Variants in CPS1 observed in about 807,000 individuals in gnomAD.
CPS1 encodes the protein carbamoyl-phosphate synthase [ammonia], mitochondrial.
A neutral mutation model predicts 174.6 loss-of-function variants in CPS1; 109 were observed. The observed-to-expected ratio is 0.62, with a 90% CI of 0.53 to 0.73. The LOEUF is 0.73. Ranked by LOEUF, CPS1 falls within the 30% of genes least tolerant of loss-of-function variation. The pLI is 0.00. For missense variants in CPS1, 1,689 were observed against 1,821.9 expected, an observed-to-expected ratio of 0.93 and a Z score of 1.33; for synonymous variants, 637 against 632.0, an observed-to-expected ratio of 1.01 and a Z score of -0.12.
intron 1 of CPS1, among the ~76,000 whole-genome samples, chr2:210,485,403 T>C (rs1193643443): frequency 1.3e-5 from 2 of 152,108 alleles, no homozygotes; most frequent in African/African-American, 4.8e-5. Context: ...GATTCCCTCA[T>C]ACCATTTATA....
chr2:210,629,148 T>C (rs1349191351), intron 21 of CPS1, among the ~76,000 whole-genome samples: 1 of 152,222 alleles, frequency 6.6e-6, no homozygotes, highest in Non-Finnish European at 1.5e-5. Context: ...AGAGTTTTGC[T>C]TACTGAATAC....
chr2:210,596,659 A>G (rs993322112), intron 13 of CPS1, among the ~76,000 whole-genome samples: 3 of 151,866 alleles, frequency 2.0e-5, no homozygotes, highest in African/African-American at 7.2e-5. Flanking sequence ...TCTTTGTATT[A>G]TGCTTTAATT....
chr2:210,601,743 A>G (rs985351466), intron 15 of CPS1, among the ~76,000 whole-genome samples: 7 of 151,974 alleles, frequency 4.6e-5, no homozygotes, highest in African/African-American at 7.2e-5. Flanking sequence ...ACTGAACTTG[A>G]AAATGAAAAA....
At chr2:210,477,733 C>T in exon 1 of CPS1, 6 of 1,612,958 alleles carry the variant, frequency 3.7e-6, no homozygotes, top group South Asian at 1.1e-5. Flanking sequence ...TTCTTAACCT[C>T]ATCAAATTCA....
At chr2:210,649,414 CTGAA>C (rs753972988) in intron 27 of CPS1, among the ~76,000 whole-genome samples, 30 of 152,264 alleles carry the variant, frequency 2.0e-4, no homozygotes, top group Non-Finnish European at 4.0e-4. Context: ...TTCACATACT[CTGAA>C]TGATAAGCAT....
chr2:210,511,643 C>G (rs1406555393), intron 1 of CPS1, among the ~76,000 whole-genome samples: 1 of 152,036 alleles, frequency 6.6e-6, no homozygotes, highest in Non-Finnish European at 1.5e-5. Context: ...GCTTAAGACT[C>G]AGTGATAGGC....
In CPS1 at chr2:210,599,533, C is replaced by T; in HGVS notation, c.1521C>T (p.Gly507=). 2 of 1,612,402 alleles carry T rather than the reference C, an allele frequency of 1.2e-6. No homozygotes were observed. Among genetic ancestry groups the T allele is most frequent in the Non-Finnish European group, 1.7e-6 (2 of 1,178,960 alleles). ...AACAGCCAGATGGGTTAATTCTGGG[C>T]ATGGGTGGCCAGACAGCTCTGAACT... The part of the protein sequence containing the change: ...KAEQPDGLIL[G]MGGQTALNCG... The change falls in exon 14 of 38, where the codon GGC becomes GGT. Residue 507 remains glycine, a synonymous_variant. Transcript: ENST00000233072.
Position 210,600,718 on chromosome 2 carries a change from G to T in CPS1, c.1707+6G>T, listed in dbSNP as rs765818087. On this transcript the variant is annotated splice_donor_region_variant and intron_variant, in intron 15 of 37. Transcript: ENST00000233072. ...CAAGTTTTGCAGTGGAATCGGTAAG[G>T]ATTCTTTGCTTTGGAAAAACAAGGG... is the stretch of plus-strand genomic sequence containing the variant. 3 of 1,611,636 alleles carry T rather than the reference G, an allele frequency of 1.9e-6. No individual in the cohort carries two copies. The highest frequency in any genetic ancestry group is 4.5e-5 in the East Asian group (2 of 44,750).
intron 1 of CPS1, among the ~76,000 whole-genome samples, chr2:210,479,507 T>G (rs186058538): frequency 6.6e-6 from 1 of 152,240 alleles, no homozygotes; most frequent in Admixed American, 6.5e-5. Flanking sequence ...TTTTGTATTT[T>G]CAGTAGAGAC....
At chr2:210,539,232 A>G (rs1332047336) in intron 1 of CPS1, among the ~76,000 whole-genome samples, 1 of 152,184 alleles carries the variant, frequency 6.6e-6, no homozygotes, top group East Asian at 1.9e-4. Flanking sequence ...TTCAGAACAG[A>G]GCCTGTCATA....
chr2:210,611,763 A>G (rs1049727848), intron 19 of CPS1, among the ~76,000 whole-genome samples: 4 of 151,874 alleles, frequency 2.6e-5, no homozygotes, highest in Non-Finnish European at 5.9e-5. Flanking sequence ...GAACATGCGC[A>G]TAAAGCAAGA....
intron 1 of CPS1, among the ~76,000 whole-genome samples, chr2:210,504,919 C>CA (rs1695237133): frequency 6.6e-6 from 1 of 151,226 alleles, no homozygotes; most frequent in Non-Finnish European, 1.5e-5. Flanking sequence ...GGACGACCTA[C>CA]TTTTTTTTTC....
intron 17 of CPS1, among the ~76,000 whole-genome samples, chr2:210,606,245 G>A (rs1236646465): frequency 2.0e-5 from 3 of 151,838 alleles, no homozygotes; most frequent in Non-Finnish European, 2.9e-5. Context: ...ATGGTTGTCT[G>A]GCAATGTTGG....
chr2:210,500,071 A>G (rs1200714942), intron 1 of CPS1, among the ~76,000 whole-genome samples: 2 of 152,138 alleles, frequency 1.3e-5, no homozygotes, highest in African/African-American at 4.8e-5. Context: ...ATGAGTGCCA[A>G]GCAAAGGGGG....
At chr2:210,599,084 C>A (rs188666711) in intron 13 of CPS1, among the ~76,000 whole-genome samples, 86 of 151,908 alleles carry the variant, frequency 5.7e-4, no homozygotes, top group African/African-American at 2.0e-3. Flanking sequence ...GCTCTCTAGA[C>A]CAATTATATA....
At chr2:210,519,225 C>G (rs1010955098) in intron 1 of CPS1, among the ~76,000 whole-genome samples, 9 of 152,008 alleles carry the variant, frequency 5.9e-5, no homozygotes, top group Non-Finnish European at 1.0e-4. Context: ...TTCTGGAGAA[C>G]TGATTGCATT....
intron 6 of CPS1, among the ~76,000 whole-genome samples, chr2:210,584,367 C>G (rs1559089006): frequency 6.6e-6 from 1 of 152,076 alleles, no homozygotes; most frequent in East Asian, 1.9e-4. Context: ...CAGAGAAACT[C>G]TACTTTATCC....
intron 34 of CPS1, chr2:210,672,260 A>G (rs1038351515): frequency 2.0e-5 from 3 of 152,198 alleles, no homozygotes; most frequent in Admixed American, 6.5e-5. Context: ...ATTGTCAAAC[A>G]TATTATCAGG....
In CPS1 at chr2:210,591,958, C is replaced by G. The variant is rs766058795; in HGVS notation, c.1075C>G (p.Gln359Glu). The G allele has an allele frequency of 4.3e-6, 7 of 1,611,364 alleles. No homozygotes were observed. Among genetic ancestry groups the G allele is most frequent in the Non-Finnish European group, 5.9e-6 (7 of 1,178,698 alleles). Reference protein sequence around the residue: ...WKPLFVNVNDQTNEGIMHESK... With the variant: ...WKPLFVNVNDETNEGIMHESK... ...ACCACTTTTTGTGAATGTCAACGATCAAACAAATGAGGTAAATGATGTCAA... is the reference window on the plus strand; with the variant it reads ...ACCACTTTTTGTGAATGTCAACGATGAAACAAATGAGGTAAATGATGTCAA... The change falls in exon 10 of 38, where the codon CAA (glutamine) becomes GAA (glutamate). Residue 359 changes from glutamine (Q) to glutamate (E), a missense_variant. Gln to Glu is a conservative substitution (Grantham distance 29, BLOSUM62 2). Coordinates refer to ENST00000233072, the MANE Select transcript of CPS1 (RefSeq NM_001875.5).
Sources: gnomAD v4.1 joint callset for allele counts (sites outside exome capture counted in the v4.1 genomes callset) on GRCh38, gnomAD v4.1.1 for gene constraint, MANE v1.5 for transcripts, NCBI Gene and HGNC (gene_info 2026-07-23, HGNC 2026-07-21) for gene names.